Variants in LRRC4C observed in about 807,000 individuals in gnomAD.
The protein encoded by LRRC4C is leucine-rich repeat-containing protein 4C.
LRRC4C carries 5 observed loss-of-function variants against 33.6 expected under a neutral mutation model. The observed-to-expected ratio is 0.15, with a 90% CI of 0.08 to 0.31. The LOEUF (loss-of-function observed/expected upper bound fraction) is 0.31. LRRC4C is among the 10% of genes least tolerant of loss of function. The probability of loss-of-function intolerance (pLI) is 1.00; values close to 1 mark genes in which losing one functional copy is unlikely to be tolerated. For synonymous variants in LRRC4C, 329 were observed against 302.0 expected (o/e 1.09, Z -0.93); for missense variants, 560 against 796.7 (o/e 0.70, Z 3.58).
At chr11:40,141,182 A>G (rs1857340156) in intron 5 of LRRC4C, among the ~76,000 whole-genome samples, 1 of 152,176 alleles carries the variant, frequency 6.6e-6, no homozygotes, top group African/African-American at 2.4e-5. Context: ...ATAAGATTAA[A>G]TTGGATAATG....
intron 2 of LRRC4C, among the ~76,000 whole-genome samples, chr11:40,886,562 A>G (rs1178304039): frequency 6.6e-6 from 1 of 151,340 alleles, no homozygotes; most frequent in South Asian, 2.1e-4. Flanking sequence ...TTTTTTTTTA[A>G]TTAAGGAGTT....
chr11:40,334,651 C>G (rs1946515773), intron 3 of LRRC4C, among the ~76,000 whole-genome samples: 1 of 152,124 alleles, frequency 6.6e-6, no homozygotes, highest in East Asian at 1.9e-4. Flanking sequence ...ATCTATAATA[C>G]ATAAATATAT....
At chr11:41,340,761 T>C (rs916959297) in intron 1 of LRRC4C, among the ~76,000 whole-genome samples, 1 of 152,174 alleles carries the variant, frequency 6.6e-6, no homozygotes, top group African/African-American at 2.4e-5. Context: ...GTTGTGGAGA[T>C]TAAATGAGAA....
chr11:41,219,566 A>G (rs1316583324), intron 1 of LRRC4C, among the ~76,000 whole-genome samples: 1 of 152,218 alleles, frequency 6.6e-6, no homozygotes, highest in Non-Finnish European at 1.5e-5. Context: ...CACATTTTCT[A>G]TCGCCTGAAG....
At chr11:41,037,841 C>A (rs115755425) in intron 1 of LRRC4C, among the ~76,000 whole-genome samples, 2,939 of 152,096 alleles carry the variant, frequency 0.019, 100 homozygotes, top group African/African-American at 0.061. Context: ...TAGGCAGCAC[C>A]CACTAAATAG....
rs1010801680 is a variant in LRRC4C, at chr11:40,282,696, T to C, written c.-176+36932A>G. Among the ~76,000 whole-genome samples, 47 of 152,312 alleles carry C rather than the reference T, an allele frequency of 3.1e-4. 1 individual carries two copies. Among genetic ancestry groups the C allele is most frequent in the Non-Finnish European group, 5.7e-4 (39 of 68,010 alleles). ...GACATTTCTCTTCAAAATTGCAAGA[T>C]AAAATTAAGCCATAATTAAATAATA... is the stretch of plus-strand genomic sequence containing the variant. On this transcript the variant is annotated intron_variant, in intron 4 of 6. Transcript: ENST00000528697.
intron 1 of LRRC4C, among the ~76,000 whole-genome samples, chr11:41,322,883 C>A (rs964084345): frequency 2.4e-4 from 36 of 152,068 alleles, no homozygotes; most frequent in African/African-American, 8.7e-4. Context: ...TTCAAACTTC[C>A]TCCTTGGATA....
At chr11:40,876,221 T>C (rs895689742) in intron 2 of LRRC4C, among the ~76,000 whole-genome samples, 1 of 150,128 alleles carries the variant, frequency 6.7e-6, no homozygotes, top group Admixed American at 6.6e-5. Flanking sequence ...ACCAGGCTTA[T>C]TCACAAATGG....
intron 3 of LRRC4C, among the ~76,000 whole-genome samples, chr11:40,528,112 A>C (rs1337901135): frequency 1.3e-5 from 2 of 152,174 alleles, no homozygotes; most frequent in Admixed American, 6.6e-5. Context: ...ATAACATGAA[A>C]AATTTTAAAA....
chr11:40,162,323 G>A (rs1265515347), intron 5 of LRRC4C, among the ~76,000 whole-genome samples: 1 of 152,064 alleles, frequency 6.6e-6, no homozygotes, highest in Non-Finnish European at 1.5e-5. Flanking sequence ...TGGTGCAAAG[G>A]TTAAATAAAA....
At chr11:40,791,560 A>G (rs931565635) in intron 2 of LRRC4C, among the ~76,000 whole-genome samples, 1 of 152,182 alleles carries the variant, frequency 6.6e-6, no homozygotes, top group African/African-American at 2.4e-5. Context: ...TTTGTGCAAA[A>G]AGTTAAGGAC....
At chr11:40,801,876 T>G (rs1382599621) in intron 2 of LRRC4C, among the ~76,000 whole-genome samples, 1 of 152,162 alleles carries the variant, frequency 6.6e-6, no homozygotes, top group Non-Finnish European at 1.5e-5. Context: ...ATGATTTCAT[T>G]TGATGGAAAG....
intron 2 of LRRC4C, among the ~76,000 whole-genome samples, chr11:40,778,273 A>T (rs1228570951): frequency 6.6e-6 from 1 of 152,168 alleles, no homozygotes; most frequent in Non-Finnish European, 1.5e-5. Context: ...CCTTAGCATC[A>T]TTTTTATTTC....
intron 2 of LRRC4C, among the ~76,000 whole-genome samples, chr11:40,679,275 A>C (rs1944560968): frequency 6.6e-6 from 1 of 151,672 alleles, no homozygotes; most frequent in African/African-American, 2.4e-5. Flanking sequence ...CTTTTTTTTT[A>C]AAGGGAAACA....
At chr11:41,132,204 G>A (rs1274378437) in intron 1 of LRRC4C, among the ~76,000 whole-genome samples, 1 of 152,076 alleles carries the variant, frequency 6.6e-6, no homozygotes, top group Non-Finnish European at 1.5e-5. Flanking sequence ...AAAGTAAAAT[G>A]AGTGGTGTTA....
rs192088527 is a variant in LRRC4C, at chr11:40,227,834, T to C, written c.-96+13685A>G. Among the ~76,000 whole-genome samples the C allele has an allele frequency of 3.9e-5, 6 of 152,324 alleles. No homozygotes were observed. The East Asian group carries it at 1.2e-3, about 29-fold the overall frequency. ...CTTATTAACATAGATTGTTAATTTTTAATATTTTTAAAAGGAGGTGCTATG... is the reference window on the plus strand; with the variant it reads ...CTTATTAACATAGATTGTTAATTTTCAATATTTTTAAAAGGAGGTGCTATG... On this transcript the variant is annotated intron_variant, in intron 5 of 6. Coordinates refer to ENST00000528697, the MANE Select transcript of LRRC4C (RefSeq NM_001258419.2).
chr11:41,067,040 C>T (rs7945620), intron 1 of LRRC4C, among the ~76,000 whole-genome samples: 86,167 of 151,978 alleles, frequency 0.57, 27,042 homozygotes, highest in Admixed American at 0.72. Flanking sequence ...AGCATCATGA[C>T]GACAGGATCA....
chr11:40,621,238 C>T (rs1591298389), intron 3 of LRRC4C, among the ~76,000 whole-genome samples: 1 of 151,590 alleles, frequency 6.6e-6, no homozygotes, highest in Non-Finnish European at 1.5e-5. Flanking sequence ...ATTTAAATCC[C>T]TTTAATGGTT....
intron 3 of LRRC4C, among the ~76,000 whole-genome samples, chr11:40,380,508 C>T (rs1948824105): frequency 6.6e-6 from 1 of 152,082 alleles, no homozygotes; most frequent in African/African-American, 2.4e-5. Context: ...GTTCTTAATA[C>T]TTGGGTATAA....
Sources: allele counts gnomAD v4.1 joint callset (sites outside exome capture counted in the v4.1 genomes callset), GRCh38; gene constraint gnomAD v4.1.1; transcripts MANE v1.5; gene names NCBI Gene and HGNC (gene_info 2026-07-23, HGNC 2026-07-21).